The following CTNNA1 variants were observed in gnomAD, a reference collection of about 807,000 sequenced individuals.
CTNNA1 encodes the protein catenin alpha-1.
Under a neutral mutation model 98.4 loss-of-function variants are expected in CTNNA1, and 37 were observed. That is an observed-to-expected ratio of 0.38 (90% CI 0.29 to 0.49). CTNNA1 has a LOEUF of 0.49. Ranked by LOEUF, CTNNA1 falls within the 20% of genes least tolerant of loss-of-function variation. The pLI, the probability that CTNNA1 is intolerant of heterozygous loss-of-function variation, is 0.95. For missense variants in CTNNA1, 761 were observed against 1,147.2 expected, an observed-to-expected ratio of 0.66 and a Z score of 4.86; for synonymous variants, 404 against 413.2, an observed-to-expected ratio of 0.98 and a Z score of 0.27.
chr5:138,827,765 A>T, intron 7 of CTNNA1, 47 bp downstream of exon 7: 7 of 1,603,098 alleles, frequency 4.4e-6, no homozygotes, highest in South Asian at 1.1e-5. Flanking sequence ...ATGGATGAGG[A>T]GTTTTCTATA....
At chr5:138,867,808 A>C (rs1172924435) in intron 7 of CTNNA1, among the ~76,000 whole-genome samples, 2 of 148,704 alleles carry the variant, frequency 1.3e-5, no homozygotes, top group African/African-American at 5.0e-5. Flanking sequence ...ACTGGAGTGC[A>C]GTGGCATGAT....
chr5:138,788,110 A>AT (rs1432412382), intron 3 of CTNNA1, among the ~76,000 whole-genome samples: 1 of 152,090 alleles, frequency 6.6e-6, no homozygotes, highest in African/African-American at 2.4e-5. Context: ...GTATCCCCCC[A>AT]TCCTTATCAG....
chr5:138,902,008 C>T (rs1758150187), intron 9 of CTNNA1, among the ~76,000 whole-genome samples: 1 of 152,200 alleles, frequency 6.6e-6, no homozygotes, highest in Admixed American at 6.5e-5. Context: ...TTCCTCCTCC[C>T]AGGCCTCCTG....
intron 10 of CTNNA1, among the ~76,000 whole-genome samples, chr5:138,911,781 C>T (rs1760683687): frequency 6.6e-6 from 1 of 152,154 alleles, no homozygotes; most frequent in Non-Finnish European, 1.5e-5. Context: ...TAGACTAAAA[C>T]AGATGGTATT....
At position 138,934,319 on chromosome 5, in the gene CTNNA1, A is replaced by AT; in HGVS notation, c.*230_*231insT. 1.9e-6 allele frequency: 1 copy of AT among 518,242 alleles called. No individual in the cohort carries two copies. The highest frequency in any genetic ancestry group is 3.3e-5 in the East Asian group (1 of 30,690). The allele number at this position is 518,242 out of a possible 1,614,324, so 32.1% of individuals were successfully genotyped here. ...CTGTATTTTTTGTATGCTTAAATAAAAATAAAAATTCATAACCAAAGAGAA... is the reference window on the plus strand; with the variant it reads ...CTGTATTTTTTGTATGCTTAAATAAATAATAAAAATTCATAACCAAAGAGAA... On this transcript the variant is annotated 3_prime_UTR_variant, in exon 18 of 18. Coordinates refer to ENST00000302763, the MANE Select transcript of CTNNA1 (RefSeq NM_001903.5).
At chr5:138,818,254 A>G (rs561890025) in intron 5 of CTNNA1, among the ~76,000 whole-genome samples, 254 of 141,952 alleles carry the variant, frequency 1.8e-3, no homozygotes, top group African/African-American at 6.4e-3. Flanking sequence ...GGCTACAGGC[A>G]TGCCATATCC....
At chr5:138,901,922 G>C (rs1758124998) in intron 9 of CTNNA1, among the ~76,000 whole-genome samples, 1 of 152,172 alleles carries the variant, frequency 6.6e-6, no homozygotes, top group Non-Finnish European at 1.5e-5. Flanking sequence ...GTCATTGTTA[G>C]AAGTGAGTAG....
intron 3 of CTNNA1, among the ~76,000 whole-genome samples, chr5:138,805,690 GTCC>G: frequency 6.6e-6 from 1 of 151,896 alleles, no homozygotes; most frequent in South Asian, 2.1e-4. Context: ...GGCTCAAGCA[GTCC>G]TCCTGCCTCA....
At chr5:138,766,582 G>A (rs944254675) in intron 1 of CTNNA1, among the ~76,000 whole-genome samples, 1 of 152,058 alleles carries the variant, frequency 6.6e-6, no homozygotes, top group Non-Finnish European at 1.5e-5. Context: ...GCAGGAAGGG[G>A]GTTAGTAGGG....
At chr5:138,918,181 C>A (rs886817992) in intron 11 of CTNNA1, among the ~76,000 whole-genome samples, 3 of 151,924 alleles carry the variant, frequency 2.0e-5, no homozygotes, top group Admixed American at 2.0e-4. Context: ...AAAGGCTTAT[C>A]CCTGCTTGTA....
At chr5:138,919,135 A>G (rs962388154) in intron 11 of CTNNA1, among the ~76,000 whole-genome samples, 1 of 152,218 alleles carries the variant, frequency 6.6e-6, no homozygotes, top group Non-Finnish European at 1.5e-5. Flanking sequence ...TCTCATTTGC[A>G]AGCACATCTT....
chr5:138,929,128 C>A, intron 13 of CTNNA1, 118 bp from the exon 14 acceptor site: 1 of 764,118 alleles, frequency 1.3e-6, no homozygotes. Flanking sequence ...CTGTTCAGAA[C>A]ACTGCACATT....
rs546214804 is a variant in CTNNA1, at chr5:138,774,285, A to C, written c.-2-7638A>C. Among the ~76,000 whole-genome samples, 35 of 152,048 alleles carry C rather than the reference A, an allele frequency of 2.3e-4. No individual in the cohort carries two copies. The South Asian group carries it at 5.4e-3, about 24-fold the overall frequency. On this transcript the variant is annotated intron_variant, in intron 1 of 17. Transcript: ENST00000302763. The stretch of plus-strand genomic sequence containing the variant: ...AGTGATTTTCCCATCGTGGCCTCCC[A>C]AAGTGCTGGGATTACAGGTGGGAGC...
At chr5:138,891,016 C>G (rs937451964) in intron 9 of CTNNA1, among the ~76,000 whole-genome samples, 1 of 152,174 alleles carries the variant, frequency 6.6e-6, no homozygotes, top group African/African-American at 2.4e-5. Flanking sequence ...ATAAACACCA[C>G]CTGGAAGAGG....
At position 138,824,748 on chromosome 5, in the gene CTNNA1, G is replaced by A. The variant is rs1581168117; in HGVS notation, c.807G>A (p.Gln269=). The change falls in exon 6 of 18, where the codon CAG becomes CAA. Residue 269 remains glutamine, a synonymous_variant. Coordinates refer to ENST00000302763, the MANE Select transcript of CTNNA1 (RefSeq NM_001903.5). ...AQATASDDAS[Q]HQGGGGGELA... is the part of the protein sequence containing the mutation. Reference sequence around the variant, plus strand: ...CCACTGCCTCAGACGATGCCTCACAGCACCAGGGTGGAGGAGGAGGAGAAC... The same window carrying A: ...CCACTGCCTCAGACGATGCCTCACAACACCAGGGTGGAGGAGGAGGAGAAC... The A allele has an allele frequency of 3.7e-6, 6 of 1,614,194 alleles. No homozygotes were observed. The highest frequency in any genetic ancestry group is 5.1e-6 in the Non-Finnish European group (6 of 1,180,014).
rs200857725 is a variant in CTNNA1, at chr5:138,932,586, C to T, written c.2307C>T (p.Asp769=). The T allele has an allele frequency of 1.2e-5, 20 of 1,614,164 alleles. No homozygotes were observed. In the East Asian group the frequency reaches 3.8e-4, roughly 31 times the overall value. Residue 769 remains aspartate (D), a synonymous_variant, in exon 17 of 18, where the codon GAC becomes GAT. Coordinates refer to ENST00000302763, the MANE Select transcript of CTNNA1 (RefSeq NM_001903.5). ...GCCTGCTCTCTCTTCAGTGCCCCGA[C>T]TCGGCTTGCAAGCAGGACCTGCTGG... ...LGRTIADHCP[D]SACKQDLLAY...
At chr5:138,883,656 A>G (rs758969721) in intron 7 of CTNNA1, among the ~76,000 whole-genome samples, 2 of 152,226 alleles carry the variant, frequency 1.3e-5, no homozygotes, top group African/African-American at 2.4e-5. Context: ...CATGAAGTCT[A>G]CATGCTCAAC....
chr5:138,781,372 G>A (rs1339825717), intron 1 of CTNNA1, among the ~76,000 whole-genome samples: 3 of 152,008 alleles, frequency 2.0e-5, no homozygotes, highest in Admixed American at 6.6e-5. Context: ...TGGCTAACAC[G>A]GTGAAACCCC....
intron 7 of CTNNA1, among the ~76,000 whole-genome samples, chr5:138,834,854 G>C (rs1321147418): frequency 6.6e-6 from 1 of 152,164 alleles, no homozygotes; most frequent in African/African-American, 2.4e-5. Flanking sequence ...TCACCTGGGT[G>C]CGGGCGGGCT....
Sources: gnomAD v4.1 joint callset for allele counts (sites outside exome capture counted in the v4.1 genomes callset) on GRCh38, gnomAD v4.1.1 for gene constraint, MANE v1.5 for transcripts, NCBI Gene and HGNC (gene_info 2026-07-23, HGNC 2026-07-21) for gene names.